NBEAL1: variants seen among roughly 807,000 people sequenced by gnomAD.
NBEAL1 encodes the protein neurobeachin-like protein 1.
In NBEAL1, 273 loss-of-function variants were observed where a neutral mutation model predicts 351.3. That is an observed-to-expected ratio of 0.78 (90% confidence interval 0.70 to 0.86). The LOEUF (loss-of-function observed/expected upper bound fraction) is 0.86. Ranked by LOEUF, NBEAL1 falls within the 40% of genes least tolerant of loss-of-function variation. The probability of loss-of-function intolerance (pLI) is 0.00; values close to 1 mark genes in which losing one functional copy is unlikely to be tolerated. For synonymous variants in NBEAL1, 1,050 were observed against 1,086.4 expected (o/e 0.97, Z 0.66); for missense variants, 2,961 against 3,201.3 (o/e 0.92, Z 1.81).
intron 7 of NBEAL1, among the ~76,000 whole-genome samples, chr2:203,076,655 G>A (rs1285980072): frequency 1.4e-5 from 2 of 138,276 alleles, no homozygotes; most frequent in African/African-American, 5.3e-5. Context: ...GCAGTGGCAC[G>A]ATCTCAGCTC....
At chr2:203,148,492 T>C (rs997211041) in intron 33 of NBEAL1, among the ~76,000 whole-genome samples, 1 of 152,124 alleles carries the variant, frequency 6.6e-6, no homozygotes, top group Non-Finnish European at 1.5e-5. Context: ...TTCTAATAGA[T>C]GAATATTGAT....
intron 43 of NBEAL1, 75 bp from the exon 44 acceptor site, chr2:203,183,204 C>T: frequency 1.9e-5 from 14 of 722,486 alleles, no homozygotes; most frequent in South Asian, 4.3e-5. Context: ...AGGAATGTGC[C>T]CTCATTAGTG....
At position 203,083,502 on chromosome 2, in the gene NBEAL1, T is replaced by C. The variant is rs1364425208; in HGVS notation, c.968T>C (p.Ile323Thr). 1 of 1,547,660 alleles carries C rather than the reference T, an allele frequency of 6.5e-7. No individual in the cohort carries two copies. Among genetic ancestry groups the C allele is most frequent in the Non-Finnish European group, 8.7e-7 (1 of 1,144,670 alleles). ...RRSRQWENRF[I>T]ALQIKMLNTI... The stretch of plus-strand genomic sequence containing the variant: ...TCCAGACAGTGGGAAAACCGATTTA[T>C]TGCTCTACAGATCAAAATGCTGAGT... The change falls in exon 9 of 56, where the codon ATT becomes ACT. Residue 323 changes from isoleucine (I) to threonine (T), a missense_variant. Ile to Thr is a moderately conservative substitution (Grantham distance 89). Coordinates refer to ENST00000683969, the MANE Select transcript of NBEAL1 (RefSeq NM_001378026.1).
chr2:203,048,606 A>G (rs1354462497), intron 3 of NBEAL1, among the ~76,000 whole-genome samples: 8 of 152,112 alleles, frequency 5.3e-5, no homozygotes, highest in Admixed American at 3.3e-4. Context: ...TTATTATTTC[A>G]TGAGGTTGGG....
intron 46 of NBEAL1, among the ~76,000 whole-genome samples, 191 bp from the exon 47 acceptor site, chr2:203,193,604 A>G (rs2065155954): frequency 6.6e-6 from 1 of 152,204 alleles, no homozygotes; most frequent in Admixed American, 6.5e-5. Context: ...ACTTTAAAGT[A>G]GAAGTGGGGT....
chr2:203,099,465 C>A (rs983904269), intron 11 of NBEAL1, among the ~76,000 whole-genome samples, 164 bp from the exon 12 acceptor site: 1 of 152,068 alleles, frequency 6.6e-6, no homozygotes, highest in Non-Finnish European at 1.5e-5. Context: ...AAATAGGTAA[C>A]TTTCCTTGCA....
At chr2:203,066,202 T>C (rs2061582966) in intron 6 of NBEAL1, among the ~76,000 whole-genome samples, 1 of 152,374 alleles carries the variant, frequency 6.6e-6, no homozygotes, top group African/African-American at 2.4e-5. Context: ...GTTTATTGTT[T>C]GTAGCATAGG....
Position 203,208,752 on chromosome 2 carries a change from G to A in NBEAL1, c.7622G>A (p.Arg2541Lys), listed in dbSNP as rs988415209. Reference sequence around the variant, plus strand: ...CTAGACATGGCAGTGTCAGGATCAAGGGTAAGATTTCACCTTTAAGAAATA... The same window carrying A: ...CTAGACATGGCAGTGTCAGGATCAAAGGTAAGATTTCACCTTTAAGAAATA... ...TELDMAVSGS[R>K]DGTVIIHTIQ... Residue 2541 changes from arginine to lysine, a missense_variant and splice_region_variant, in exon 52 of 56, where the codon AGG becomes AAG. Arg to Lys is a conservative substitution (Grantham distance 26, BLOSUM62 2). Coordinates refer to ENST00000683969, the MANE Select transcript of NBEAL1 (RefSeq NM_001378026.1). The A allele has an allele frequency of 1.9e-6, 3 of 1,578,254 alleles. No individual in the cohort carries two copies. Among genetic ancestry groups the A allele is most frequent in the Non-Finnish European group, 2.6e-6 (3 of 1,164,868 alleles).
chr2:203,116,950 A>C (rs924669714), intron 18 of NBEAL1, among the ~76,000 whole-genome samples: 1 of 151,942 alleles, frequency 6.6e-6, no homozygotes, highest in South Asian at 2.1e-4. Context: ...AAAATACAAA[A>C]AATTAGCCAG....
chr2:203,163,273 C>A (rs1393042060), intron 36 of NBEAL1, among the ~76,000 whole-genome samples: 2 of 152,176 alleles, frequency 1.3e-5, no homozygotes, highest in Non-Finnish European at 2.9e-5. Context: ...CTTATTTAGT[C>A]AAGCCTAGAA....
intron 7 of NBEAL1, among the ~76,000 whole-genome samples, chr2:203,070,841 C>T (rs1122393): frequency 0.17 from 25,659 of 152,042 alleles, 2,612 homozygotes; most frequent in East Asian, 0.52. Context: ...AGTCATTTCC[C>T]ACCAGGCCCC....
At chr2:203,138,384 C>A (rs576472921) in intron 30 of NBEAL1, 69 bp downstream of exon 30, 4 of 1,443,594 alleles carry the variant, frequency 2.8e-6, no homozygotes, top group Admixed American at 4.3e-5. Flanking sequence ...AAATTTTGCA[C>A]CCCCTCTTTT....
intron 4 of NBEAL1, 190 bp downstream of exon 4, chr2:203,050,165 T>C: frequency 2.4e-6 from 1 of 422,248 alleles, no homozygotes; most frequent in Non-Finnish European, 4.2e-6. Flanking sequence ...CACTATGGCA[T>C]GTGTATACCT....
chr2:203,132,096 C>G lies in NBEAL1; in HGVS notation c.3688C>G (p.Leu1230Val). Residue 1230 changes from leucine to valine, a missense_variant, in exon 26 of 56, where the codon CTT becomes GTT. Coordinates refer to ENST00000683969, the MANE Select transcript of NBEAL1 (RefSeq NM_001378026.1). ...LLNEALVNTS[L>V]IKNLTHQIIN... ...TAATGAAGCACTTGTTAATACTTCT[C>G]TTATTAAAAACCTCACCCATCAAAT... The G allele has an allele frequency of 6.5e-7, 1 of 1,542,900 alleles. No individual in the cohort carries two copies. The highest frequency in any genetic ancestry group is 8.8e-7 in the Non-Finnish European group (1 of 1,139,304).
chr2:203,023,080 C>G (rs1337876767), intron 2 of NBEAL1, among the ~76,000 whole-genome samples: 1 of 152,126 alleles, frequency 6.6e-6, no homozygotes, highest in Admixed American at 6.6e-5. Flanking sequence ...GCAAGTATCT[C>G]TTTTTATACA....
intron 19 of NBEAL1, among the ~76,000 whole-genome samples, chr2:203,123,527 T>G (rs528711511): frequency 6.6e-6 from 1 of 152,074 alleles, no homozygotes; most frequent in East Asian, 1.9e-4. Flanking sequence ...AGAGACAGGG[T>G]CTCACCATGT....
In NBEAL1 at chr2:203,147,479, A is replaced by G. The variant is rs149998505; in HGVS notation, c.5305-1512A>G. On this transcript the variant is annotated intron_variant, in intron 33 of 55. Transcript: ENST00000683969. ...AAAATATATACAGCATCTGCTGTATATATGCCAAAAACTAAAAAACACTTG... is the reference window on the plus strand; with the variant it reads ...AAAATATATACAGCATCTGCTGTATGTATGCCAAAAACTAAAAAACACTTG... Among the ~76,000 whole-genome samples, 6 of 152,270 alleles carry G rather than the reference A, an allele frequency of 3.9e-5. No homozygotes were observed. The East Asian group carries it at 7.7e-4, about 20-fold the overall frequency.
chr2:203,190,196 AC>A, intron 45 of NBEAL1, 95 bp from the exon 46 acceptor site: 1 of 459,744 alleles, frequency 2.2e-6, no homozygotes, highest in African/African-American at 2.3e-5. Context: ...ACACACACAC[AC>A]ACACACACAC....
chr2:203,199,605 T>G (rs1575120173), intron 49 of NBEAL1, among the ~76,000 whole-genome samples, 158 bp downstream of exon 49: 1 of 150,566 alleles, frequency 6.6e-6, no homozygotes, highest in East Asian at 2.0e-4. Flanking sequence ...CAATCCCCAC[T>G]CACTGAAACC....
Sources: gnomAD v4.1 joint callset for allele counts (sites outside exome capture counted in the v4.1 genomes callset) on GRCh38, gnomAD v4.1.1 for gene constraint, MANE v1.5 for transcripts, NCBI Gene and HGNC (gene_info 2026-07-23, HGNC 2026-07-21) for gene names.